AMPD3: variants seen among roughly 807,000 people sequenced by gnomAD.
The protein encoded by AMPD3 is AMP deaminase 3.
Under a neutral mutation model 82.3 loss-of-function variants are expected in AMPD3, and 57 were observed. That is an observed-to-expected ratio of 0.69 (90% confidence interval 0.56 to 0.86). The LOEUF (loss-of-function observed/expected upper bound fraction) is 0.86. Among genes scored for constraint, AMPD3 ranks in the 40% least tolerant of loss-of-function variants. The probability of loss-of-function intolerance (pLI) is 0.00; values close to 1 mark genes in which losing one functional copy is unlikely to be tolerated. For missense variants in AMPD3, 870 were observed against 1,003.8 expected (o/e 0.87, Z 1.80); for synonymous variants, 381 against 394.7 (o/e 0.97, Z 0.41).
intron 6 of AMPD3, chr11:10,488,476 G>C: frequency 1.2e-6 from 1 of 814,896 alleles, no homozygotes. Flanking sequence ...TGAGAGAGTC[G>C]AGAGAGTCAG....
chr11:10,501,394 CTGAGCTG>C, intron 11 of AMPD3, 69 bp from the exon 12 acceptor site: 2 of 1,589,186 alleles, frequency 1.3e-6, no homozygotes, highest in Non-Finnish European at 1.7e-6. Flanking sequence ...GGAGCTGGCC[CTGAGCTG>C]TGGCTGCAGG....
chr11:10,497,470 C>T (rs568568480), intron 10 of AMPD3: 28 of 569,894 alleles, frequency 4.9e-5, no homozygotes, highest in Middle Eastern at 8.7e-4. Context: ...GCGGAGGGGG[C>T]GGGAGCCGGT....
intron 6 of AMPD3, among the ~76,000 whole-genome samples, chr11:10,489,294 A>T (rs1273095673): frequency 6.6e-6 from 1 of 152,160 alleles, no homozygotes; most frequent in African/African-American, 2.4e-5. Context: ...AGCCCGATGC[A>T]GCCCTGCCCT....
At chr11:10,479,725 A>G (rs932151576) in intron 3 of AMPD3, among the ~76,000 whole-genome samples, 8 of 152,256 alleles carry the variant, frequency 5.3e-5, no homozygotes, top group African/African-American at 1.4e-4. Context: ...TTTACAATAT[A>G]CATTATACTG....
chr11:10,454,170 C>T (rs1418411231), upstream of AMPD3, among the ~76,000 whole-genome samples: 1 of 152,164 alleles, frequency 6.6e-6, no homozygotes, highest in Non-Finnish European at 1.5e-5. Flanking sequence ...GCTTGCTCTT[C>T]TGGGACAGAA....
rs755999730 is a variant in AMPD3, at chr11:10,496,887, G to C, written c.1506G>C (p.Lys502Asn). 6.8e-6 allele frequency: 11 copies of C among 1,614,078 alleles called. No individual in the cohort carries two copies. In the East Asian group the frequency reaches 2.5e-4, roughly 36 times the overall value. The change falls in exon 10 of 15, where the codon AAG becomes AAC. Residue 502 changes from lysine (K) to asparagine (N), a missense_variant. By Grantham distance (94) the Lys-to-Asn change is moderately conservative (BLOSUM62 0). Coordinates refer to ENST00000396553, the MANE Select transcript of AMPD3 (RefSeq NM_001025389.2). ...MLENIFLPLF[K>N]ATINPQDHRE... ...AGAACATCTTCCTGCCCCTTTTCAA[G>C]GCCACTATCAACCCCCAAGATCATC...
intron 2 of AMPD3, among the ~76,000 whole-genome samples, chr11:10,473,904 T>G (rs1012931840): frequency 6.6e-6 from 1 of 152,332 alleles, no homozygotes; most frequent in African/African-American, 2.4e-5. Flanking sequence ...TGCTGGTTTG[T>G]GACTTCTGAT....
rs1849613025 is a variant in AMPD3 at position 10,502,724 on chromosome 11, C to T, written c.1846C>T (p.Pro616Ser). The change falls in exon 13 of 15, where the codon CCG becomes TCG. Residue 616 changes from proline to serine, a missense_variant. Physicochemically the swap from Pro to Ser is moderately conservative, Grantham distance 74. Coordinates refer to ENST00000396553, the MANE Select transcript of AMPD3 (RefSeq NM_001025389.2). The part of the protein sequence containing the change: ...ISHGLLLKKS[P>S]VLQYLYYLAQ... The stretch of plus-strand genomic sequence containing the variant: ...GAGTTCGGTGGTTCTTTTGCAGAGT[C>T]CGGTATTGCAGTATCTCTACTACCT... The T allele has an allele frequency of 3.7e-6, 6 of 1,614,162 alleles. No individual in the cohort carries two copies. The highest frequency in any genetic ancestry group is 5.1e-6 in the Non-Finnish European group (6 of 1,180,022).
chr11:10,498,863 G>A (rs575617982), intron 10 of AMPD3, among the ~76,000 whole-genome samples: 8 of 152,332 alleles, frequency 5.3e-5, no homozygotes, highest in South Asian at 4.1e-4. Flanking sequence ...TCCCCTGTGC[G>A]CTGAGAGCCC....
intron 1 of AMPD3, among the ~76,000 whole-genome samples, chr11:10,460,346 G>A (rs1848230891): frequency 6.6e-6 from 1 of 151,190 alleles, no homozygotes; most frequent in Admixed American, 6.6e-5. Flanking sequence ...CAGTCCTCTT[G>A]CCTTGACCTC....
In AMPD3 at chr11:10,496,956, C is replaced by T. The variant is rs1238509265; in HGVS notation, c.1557+18C>T. 1.2e-6 allele frequency: 2 copies of T among 1,613,732 alleles called. No individual in the cohort carries two copies. The highest frequency in any genetic ancestry group is 2.2e-5 in the South Asian group (2 of 91,060). ...TTAAATATGTAAGTGTGGGTGGTGC[C>T]CTAGGCAGGGCTCATAGCGGCAGAG... On this transcript the variant is annotated intron_variant, in intron 10 of 14. Coordinates refer to ENST00000396553, the MANE Select transcript of AMPD3 (RefSeq NM_001025389.2).
At chr11:10,469,996 C>T (rs372931673) in intron 2 of AMPD3, among the ~76,000 whole-genome samples, 4,028 of 150,338 alleles carry the variant, frequency 0.027, 76 homozygotes, top group South Asian at 0.067. Flanking sequence ...GCCGAGATCC[C>T]GCCACTGCAC....
intron 7 of AMPD3, among the ~76,000 whole-genome samples, chr11:10,494,338 T>C (rs1327848507): frequency 1.3e-5 from 2 of 151,982 alleles, no homozygotes; most frequent in Admixed American, 1.3e-4. Context: ...GAGGAAGGTA[T>C]GGGAAGTTAG....
In AMPD3 at chr11:10,456,489, G is replaced by T; in HGVS notation, c.-6+1041G>T. On this transcript the variant is annotated intron_variant, in intron 1 of 14. Transcript: ENST00000396553. This position sits in a 1 kb window ranked among gnomAD's most constrained non-coding sequence, Gnocchi z 4.3. ...AACGAGGGGATTTCAGTGGCACTGG[G>T]CTTCCTTTCTGGAGGGACTGTGGCA... The T allele has an allele frequency of 2.5e-6, 4 of 1,613,412 alleles. 1 individual carries two copies. The South Asian group carries it at 4.4e-5, about 18-fold the overall frequency.
chr11:10,495,492 C>T (rs35753139), intron 8 of AMPD3, 78 bp from the exon 9 acceptor site: 117,166 of 1,608,718 alleles, frequency 0.073, 4,931 homozygotes, highest in Non-Finnish European at 0.085. Flanking sequence ...AGCAACAGGA[C>T]CCTGCTGGTG....
intron 8 of AMPD3, chr11:10,495,242 G>A (rs1339211539): frequency 2.0e-6 from 2 of 985,300 alleles, no homozygotes; most frequent in African/African-American, 3.5e-5. Flanking sequence ...GAGGAGGGAA[G>A]GGTATCCACC....
chr11:10,500,115 G>C lies in AMPD3; in HGVS notation c.1587G>C (p.Glu529Asp). The C allele has an allele frequency of 1.2e-6, 2 of 1,614,184 alleles. No homozygotes were observed. The highest frequency in any genetic ancestry group is 1.7e-6 in the Non-Finnish European group (2 of 1,180,026). Residue 529 changes from glutamate to aspartate, a missense_variant, in exon 11 of 15, where the codon GAG becomes GAC. Transcript: ENST00000396553. ...CGGGGTTTGACAGCGTGGATGATGA[G>C]TCCAAGCACAGCGACCACATGTTTT... ...YVTGFDSVDD[E>D]SKHSDHMFSD...
At chr11:10,496,359 C>T in intron 9 of AMPD3, 1 of 985,438 alleles carries the variant, frequency 1.0e-6, no homozygotes, top group Non-Finnish European at 1.2e-6. Flanking sequence ...TAGTGGTCTA[C>T]ATTGCTGGCC....
chr11:10,464,534 TC>T, intron 2 of AMPD3, among the ~76,000 whole-genome samples: 1 of 152,108 alleles, frequency 6.6e-6, no homozygotes, highest in East Asian at 1.9e-4. Flanking sequence ...TAGGTGCTGC[TC>T]CCTAGAATGT....
Sources: allele counts gnomAD v4.1 joint callset (sites outside exome capture counted in the v4.1 genomes callset), GRCh38; gene constraint gnomAD v4.1.1; non-coding constraint Gnocchi (gnomAD v3.1); transcripts MANE v1.5; gene names NCBI Gene and HGNC (gene_info 2026-07-23, HGNC 2026-07-21).